FGF14: variants seen among roughly 807,000 people sequenced by gnomAD.
The protein encoded by FGF14 is fibroblast growth factor homologous factor 4.
In FGF14, 5 loss-of-function variants were observed where a neutral mutation model predicts 25.5. The ratio of observed to expected loss-of-function variants is 0.20; its 90% CI spans 0.10 to 0.41. The LOEUF (loss-of-function observed/expected upper bound fraction) is 0.41, where lower values mean the gene tolerates loss of function less well. Among genes scored for constraint, FGF14 ranks in the 10% least tolerant of loss-of-function variants. The pLI, the probability that FGF14 is intolerant of heterozygous loss-of-function variation, is 1.00. For missense variants in FGF14, 222 were observed against 320.1 expected (o/e 0.69, Z 2.34); for synonymous variants, 138 against 118.3 (o/e 1.17, Z -1.08).
At chr13:101,862,172 T>C (rs1815518264) in intron 3 of FGF14, among the ~76,000 whole-genome samples, 1 of 152,068 alleles carries the variant, frequency 6.6e-6, no homozygotes, top group African/African-American at 2.4e-5. Flanking sequence ...TCCAGGAACA[T>C]GGTGGAGTAG....
At chr13:102,020,409 G>A (rs988530227) in intron 1 of FGF14, among the ~76,000 whole-genome samples, 14 of 151,934 alleles carry the variant, frequency 9.2e-5, no homozygotes, top group Admixed American at 2.6e-4. Flanking sequence ...TTAGCCAGGC[G>A]TGGTGGTGCA....
At chr13:101,852,765 A>C (rs2043923807) in intron 3 of FGF14, among the ~76,000 whole-genome samples, 1 of 152,056 alleles carries the variant, frequency 6.6e-6, no homozygotes, top group Admixed American at 6.6e-5. Context: ...GATACCAGAT[A>C]CCTATGTTTC....
chr13:101,849,291 C>T (rs571944715), intron 3 of FGF14, among the ~76,000 whole-genome samples: 8 of 152,100 alleles, frequency 5.3e-5, no homozygotes, highest in East Asian at 3.9e-4. Context: ...TCACCGTAAG[C>T]GACCGGAAAC....
At chr13:102,323,975 G>A (rs2056335585) in intron 1 of FGF14, among the ~76,000 whole-genome samples, 2 of 149,922 alleles carry the variant, frequency 1.3e-5, no homozygotes, top group African/African-American at 5.0e-5. Flanking sequence ...GTGTGTGTGT[G>A]TGTGTGTGTG....
chr13:101,830,001 G>A (rs911412493), intron 3 of FGF14, among the ~76,000 whole-genome samples: 2 of 152,062 alleles, frequency 1.3e-5, no homozygotes, highest in African/African-American at 2.4e-5. Context: ...TGAGAATAGG[G>A]ATGGCCATTA....
chr13:102,398,682 TCTA>T (rs1186049032), intron 1 of FGF14, among the ~76,000 whole-genome samples: 3 of 151,968 alleles, frequency 2.0e-5, no homozygotes, highest in South Asian at 4.1e-4. Flanking sequence ...ACTTTTTAGT[TCTA>T]CTGCTATTTT....
chr13:101,870,953 A>AAAATAAAT (rs574692031), intron 2 of FGF14, among the ~76,000 whole-genome samples: 4 of 148,748 alleles, frequency 2.7e-5, no homozygotes, highest in Middle Eastern at 3.4e-3. Context: ...CTCCATCTCA[A>AAAATAAAT]AAATAAATAA....
At chr13:101,745,443 A>G (rs1455764747) in intron 3 of FGF14, among the ~76,000 whole-genome samples, 1 of 152,124 alleles carries the variant, frequency 6.6e-6, no homozygotes, top group Non-Finnish European at 1.5e-5. Flanking sequence ...AAAGTCACGC[A>G]TTACTATTAT....
At position 102,256,394 on chromosome 13, in the gene FGF14, A is replaced by G. The variant is rs1337159546; in HGVS notation, c.208+145077T>C. On this transcript the variant is annotated intron_variant, in intron 1 of 4. Transcript: ENST00000376131. ...CACATTGTAGTCCCAGGTACTCAGC[A>G]CGGTGAGGTGGGAAGATCACTTGAG... Among the ~76,000 whole-genome samples the G allele has an allele frequency of 2.6e-5, 4 of 152,144 alleles. 1 individual carries two copies. The highest frequency in any genetic ancestry group is 2.0e-4 in the Admixed American group (3 of 15,270).
intron 1 of FGF14, among the ~76,000 whole-genome samples, chr13:102,233,846 T>C (rs1226087477): frequency 1.3e-5 from 2 of 152,234 alleles, no homozygotes; most frequent in African/African-American, 4.8e-5. Flanking sequence ...GAAGCCTCTA[T>C]TTGCATCATG....
chr13:102,002,731 G>C (rs2039565196), intron 1 of FGF14: 1 of 152,264 alleles, frequency 6.6e-6, no homozygotes, highest in Non-Finnish European at 1.5e-5. Context: ...CAAGTGATTA[G>C]GAGCAATATA....
At chr13:101,792,530 G>A (rs1424951532) in intron 3 of FGF14, among the ~76,000 whole-genome samples, 3 of 151,998 alleles carry the variant, frequency 2.0e-5, no homozygotes, top group Non-Finnish European at 4.4e-5. Flanking sequence ...GGCCATTTTC[G>A]TGGAGGAAAA....
intron 3 of FGF14, among the ~76,000 whole-genome samples, chr13:101,850,499 TATATA>T (rs2043747083): frequency 1.7e-3 from 5 of 2,916 alleles, no homozygotes; most frequent in South Asian, 0.03. Context: ...TATATATATA[TATATA>T]TATATATATA....
intron 1 of FGF14, among the ~76,000 whole-genome samples, chr13:101,962,210 C>T (rs2139465260): frequency 6.6e-6 from 1 of 152,158 alleles, no homozygotes; most frequent in African/African-American, 2.4e-5. Flanking sequence ...AATGTTTTTA[C>T]ATTTGTGTCC....
At chr13:102,228,405 C>A (rs2050923550) in intron 1 of FGF14, among the ~76,000 whole-genome samples, 1 of 152,128 alleles carries the variant, frequency 6.6e-6, no homozygotes, top group Non-Finnish European at 1.5e-5. Flanking sequence ...GTGCCCTCTG[C>A]CCCTTAAACT....
At chr13:102,003,017 G>A (rs1293397017) in intron 1 of FGF14, 1 of 152,094 alleles carries the variant, frequency 6.6e-6, no homozygotes, top group Non-Finnish European at 1.5e-5. Context: ...CTTGGGAGTG[G>A]ATATATGGAA....
chr13:102,287,568 AACTTAT>A (rs1179420306), intron 1 of FGF14, among the ~76,000 whole-genome samples: 2 of 152,206 alleles, frequency 1.3e-5, no homozygotes, highest in African/African-American at 4.8e-5. Flanking sequence ...ATTACATAGT[AACTTAT>A]ATCTCCACAA....
intron 1 of FGF14, among the ~76,000 whole-genome samples, chr13:102,326,657 G>A (rs1435519853): frequency 2.3e-5 from 2 of 86,828 alleles, no homozygotes; most frequent in African/African-American, 5.1e-5. Flanking sequence ...GGAGAAGGGA[G>A]GGGAAGGGAG....
At chr13:102,154,627 G>C (rs1449284312) in intron 1 of FGF14, among the ~76,000 whole-genome samples, 2 of 152,076 alleles carry the variant, frequency 1.3e-5, no homozygotes, top group African/African-American at 4.8e-5. Flanking sequence ...AAAATAACCA[G>C]CTAACATCAT....
Sources: gnomAD v4.1 joint callset for allele counts (sites outside exome capture counted in the v4.1 genomes callset) on GRCh38, gnomAD v4.1.1 for gene constraint, MANE v1.5 for transcripts, NCBI Gene and HGNC (gene_info 2026-07-23, HGNC 2026-07-21) for gene names.